The following UNC5D variants were observed in gnomAD, a reference collection of about 807,000 sequenced individuals.
UNC5D encodes netrin receptor UNC5D.
Under a neutral mutation model 105.4 loss-of-function variants are expected in UNC5D, and 39 were observed. The ratio of observed to expected loss-of-function variants is 0.37; its 90% CI spans 0.29 to 0.48. The LOEUF is 0.48. Ranked by LOEUF, UNC5D falls within the 20% of genes least tolerant of loss-of-function variation. The pLI, the probability that UNC5D is intolerant of heterozygous loss-of-function variation, is 0.98. For missense variants in UNC5D, 991 were observed against 1,202.4 expected (o/e 0.82, Z 2.60); for synonymous variants, 452 against 450.4 (o/e 1.00, Z -0.04).
intron 1 of UNC5D, among the ~76,000 whole-genome samples, chr8:35,360,093 C>T (rs1398886862): frequency 6.6e-6 from 1 of 152,118 alleles, no homozygotes; most frequent in Admixed American, 6.6e-5. Context: ...AATAATAATG[C>T]ACTAGAAAAT....
chr8:35,245,858 A>G (rs1170064980), intron 1 of UNC5D, among the ~76,000 whole-genome samples: 1 of 152,192 alleles, frequency 6.6e-6, no homozygotes, highest in African/African-American at 2.4e-5. Context: ...GCAAACTTAG[A>G]TCATTAAAGT....
chr8:35,672,935 C>T (rs764428161), intron 4 of UNC5D, among the ~76,000 whole-genome samples: 7 of 152,264 alleles, frequency 4.6e-5, no homozygotes, highest in South Asian at 2.1e-4. Context: ...AATGTCAGAA[C>T]GTAAAATTCT....
At chr8:35,251,816 A>T (rs1018046000) in intron 1 of UNC5D, among the ~76,000 whole-genome samples, 5 of 152,116 alleles carry the variant, frequency 3.3e-5, no homozygotes, top group African/African-American at 7.2e-5. Flanking sequence ...TTTTGTACTT[A>T]TCTTAGTGTC....
chr8:35,319,324 G>A (rs796716171), intron 1 of UNC5D, among the ~76,000 whole-genome samples: 2 of 152,190 alleles, frequency 1.3e-5, no homozygotes, highest in African/African-American at 4.8e-5. Flanking sequence ...CATTTTAAAT[G>A]TATGCCTCTA....
intron 1 of UNC5D, among the ~76,000 whole-genome samples, chr8:35,358,128 C>A (rs942578552): frequency 6.6e-6 from 1 of 152,044 alleles, no homozygotes; most frequent in African/African-American, 2.4e-5. Flanking sequence ...ACCATTTGAC[C>A]CAGCAATCCC....
intron 4 of UNC5D, among the ~76,000 whole-genome samples, chr8:35,622,064 C>T (rs1035061967): frequency 1.3e-4 from 19 of 151,902 alleles, no homozygotes; most frequent in Non-Finnish European, 5.9e-5. Context: ...TGAGAGGGGG[C>T]CGGGCGCGGT....
intron 1 of UNC5D, among the ~76,000 whole-genome samples, chr8:35,428,112 A>G (rs1806365108): frequency 6.6e-6 from 1 of 152,142 alleles, no homozygotes; most frequent in Non-Finnish European, 1.5e-5. Context: ...AACCTTACTC[A>G]GGTAGCTTTT....
chr8:35,263,078 C>A (rs578199248), intron 1 of UNC5D, among the ~76,000 whole-genome samples: 2 of 152,302 alleles, frequency 1.3e-5, no homozygotes, highest in African/African-American at 4.8e-5. Flanking sequence ...CAAAACATAT[C>A]ATGAACTTTT....
At chr8:35,622,873 A>G (rs1259913098) in intron 4 of UNC5D, among the ~76,000 whole-genome samples, 1 of 152,146 alleles carries the variant, frequency 6.6e-6, no homozygotes, top group Non-Finnish European at 1.5e-5. Flanking sequence ...AGCTCATCCT[A>G]TTCCAGTCAG....
At chr8:35,244,398 A>C (rs1041999881) in intron 1 of UNC5D, among the ~76,000 whole-genome samples, 27 of 152,196 alleles carry the variant, frequency 1.8e-4, no homozygotes, top group African/African-American at 6.3e-4. Flanking sequence ...ATGTATAAGC[A>C]TCGGAGACAG....
At chr8:35,281,973 C>T (rs16883716) in intron 1 of UNC5D, among the ~76,000 whole-genome samples, 2,492 of 152,238 alleles carry the variant, frequency 0.016, 71 homozygotes, top group African/African-American at 0.056. Context: ...CACATGTACT[C>T]GGTTATTCTT....
chr8:35,323,447 G>A (rs561054447), intron 1 of UNC5D, among the ~76,000 whole-genome samples: 49 of 152,074 alleles, frequency 3.2e-4, no homozygotes, highest in African/African-American at 1.2e-3. Context: ...AAACTGCCTG[G>A]CTGCCCCAAC....
intron 1 of UNC5D, among the ~76,000 whole-genome samples, chr8:35,337,264 T>C (rs1811114614): frequency 6.6e-6 from 1 of 152,212 alleles, no homozygotes; most frequent in Non-Finnish European, 1.5e-5. Flanking sequence ...CAAGACCTTA[T>C]TTTTTGATAA....
chr8:35,681,503 A>G (rs1825661280), intron 4 of UNC5D, among the ~76,000 whole-genome samples: 1 of 152,218 alleles, frequency 6.6e-6, no homozygotes, highest in Non-Finnish European at 1.5e-5. Context: ...ATGCAATGGT[A>G]GTAGTGAATG....
chr8:35,249,574 T>C (rs1197851309), intron 1 of UNC5D, among the ~76,000 whole-genome samples: 2 of 130,762 alleles, frequency 1.5e-5, no homozygotes, highest in African/African-American at 3.0e-5. Flanking sequence ...ATAATAATAA[T>C]AATAATAATA....
At position 35,429,001 on chromosome 8, in the gene UNC5D, C is replaced by T. The variant is rs909393021; in HGVS notation, c.104-120291C>T. On this transcript the variant is annotated intron_variant, in intron 1 of 16. Transcript: ENST00000404895. ...AGATGTGACTAAGCTGGAGTAAATC[C>T]ATCTCTTAAAAGACTTTGTCCCAGT... is the stretch of plus-strand genomic sequence containing the variant. 2.6e-5 allele frequency among the ~76,000 whole-genome samples: 4 copies of T among 152,186 alleles called. No individual in the cohort carries two copies. The South Asian group carries it at 6.2e-4, about 24-fold the overall frequency.
At chr8:35,384,890 G>A (rs1235376481) in intron 1 of UNC5D, among the ~76,000 whole-genome samples, 1 of 152,188 alleles carries the variant, frequency 6.6e-6, no homozygotes, top group African/African-American at 2.4e-5. Flanking sequence ...GAAGTTGTGG[G>A]ACTAAACTTT....
intron 1 of UNC5D, among the ~76,000 whole-genome samples, chr8:35,513,403 G>T (rs1183526001): frequency 6.6e-6 from 1 of 151,588 alleles, no homozygotes; most frequent in African/African-American, 2.4e-5. Flanking sequence ...TGATTTTTTT[G>T]CATTTAGTAG....
At chr8:35,418,240 C>T (rs1805651795) in intron 1 of UNC5D, among the ~76,000 whole-genome samples, 1 of 152,038 alleles carries the variant, frequency 6.6e-6, no homozygotes, top group Non-Finnish European at 1.5e-5. Flanking sequence ...TTTTGGTAAC[C>T]CCTGCCTCCC....
Sources: allele counts gnomAD v4.1 joint callset (sites outside exome capture counted in the v4.1 genomes callset), GRCh38; gene constraint gnomAD v4.1.1; transcripts MANE v1.5; gene names NCBI Gene and HGNC (gene_info 2026-07-23, HGNC 2026-07-21).